The following RABGAP1L variants were observed in gnomAD, a reference collection of about 807,000 sequenced individuals.
RABGAP1L encodes rab GTPase-activating protein 1-like.
A neutral mutation model predicts 137.7 loss-of-function variants in RABGAP1L; 63 were observed. That is an observed-to-expected ratio of 0.46 (90% CI 0.37 to 0.56). The LOEUF is 0.56. Among genes scored for constraint, RABGAP1L ranks in the 20% least tolerant of loss-of-function variants. RABGAP1L has a pLI of 0.00. For missense variants in RABGAP1L, 1,095 were observed against 1,244.0 expected, an observed-to-expected ratio of 0.88 and a Z score of 1.80; for synonymous variants, 431 against 433.7, an observed-to-expected ratio of 0.99 and a Z score of 0.08.
intron 19 of RABGAP1L, among the ~76,000 whole-genome samples, chr1:174,904,388 T>C (rs1364171294): frequency 6.6e-6 from 1 of 152,044 alleles, no homozygotes; most frequent in Non-Finnish European, 1.5e-5. Context: ...AAAAGAGAGA[T>C]TGAGACCATC....
At chr1:174,828,591 A>G (rs1202509607) in intron 19 of RABGAP1L, among the ~76,000 whole-genome samples, 1 of 148,624 alleles carries the variant, frequency 6.7e-6, no homozygotes, top group Non-Finnish European at 1.5e-5. Flanking sequence ...TCCTTCGAGT[A>G]TGAGTTTCCT....
At chr1:174,525,237 G>A (rs1663772974) in intron 13 of RABGAP1L, among the ~76,000 whole-genome samples, 2 of 151,922 alleles carry the variant, frequency 1.3e-5, no homozygotes, top group African/African-American at 4.8e-5. Context: ...TGGGCAGTAT[G>A]GTCATTTTAA....
At chr1:174,665,076 G>C (rs567798084) in intron 14 of RABGAP1L, among the ~76,000 whole-genome samples, 2 of 152,082 alleles carry the variant, frequency 1.3e-5, no homozygotes, top group Admixed American at 1.3e-4. Flanking sequence ...TCATTTTTCT[G>C]ATTGGTTTAT....
At chr1:174,258,986 G>A (rs1204947287) in intron 7 of RABGAP1L, among the ~76,000 whole-genome samples, 5 of 151,542 alleles carry the variant, frequency 3.3e-5, no homozygotes, top group Admixed American at 1.3e-4. Context: ...ACGGGGTCTC[G>A]CTTAGTTGTC....
At chr1:174,564,930 C>CA (rs2148029596) in intron 13 of RABGAP1L, among the ~76,000 whole-genome samples, 1 of 150,030 alleles carries the variant, frequency 6.7e-6, no homozygotes, top group African/African-American at 2.5e-5. Flanking sequence ...CCCCCCTGCC[C>CA]GAAAAAAGTT....
rs544436891 is a variant in RABGAP1L, at chr1:174,230,406, G to T, written c.332-739G>T. Among the ~76,000 whole-genome samples, 5 of 151,958 alleles carry T rather than the reference G, an allele frequency of 3.3e-5. No homozygotes were observed. In the South Asian group the frequency reaches 1.0e-3, roughly 32 times the overall value. On this transcript the variant is annotated intron_variant, in intron 3 of 25. Coordinates refer to ENST00000681986, the MANE Select transcript of RABGAP1L (RefSeq NM_001366446.1). ...AAAACTTAAAGTATAGTAAAAAAAA[G>T]AATAAAAAAAAAGGAAGTCAATTAT...
Position 174,301,294 on chromosome 1 carries a change from G to A in RABGAP1L, c.1324-3692G>A, listed in dbSNP as rs116736199. Among the ~76,000 whole-genome samples, 609 of 151,386 alleles carry A rather than the reference G, an allele frequency of 4.0e-3. 6 individuals carry two copies. Among genetic ancestry groups the A allele is most frequent in the African/African-American group, 0.012 (493 of 41,348 alleles). Reference sequence around the variant, plus strand: ...ACCCAGGCAGGGGTGCTGTGACTCCGAAGCCCCTGAGGGGGTGTTACAGCA... The same window carrying A: ...ACCCAGGCAGGGGTGCTGTGACTCCAAAGCCCCTGAGGGGGTGTTACAGCA... On this transcript the variant is annotated intron_variant, in intron 10 of 25. Transcript: ENST00000681986.
At chr1:174,651,745 C>T (rs534211316) in intron 14 of RABGAP1L, among the ~76,000 whole-genome samples, 2 of 152,106 alleles carry the variant, frequency 1.3e-5, no homozygotes, top group Admixed American at 6.6e-5. Flanking sequence ...AGGTGAGATG[C>T]GTTTCTTGAA....
intron 19 of RABGAP1L, among the ~76,000 whole-genome samples, chr1:174,884,325 A>C (rs1308068895): frequency 6.6e-6 from 1 of 152,236 alleles, no homozygotes; most frequent in South Asian, 2.1e-4. Context: ...TTCATCAAGC[A>C]TGCCAAATTA....
chr1:174,359,142 C>T (rs1285842580), intron 11 of RABGAP1L, among the ~76,000 whole-genome samples: 2 of 151,158 alleles, frequency 1.3e-5, no homozygotes, highest in African/African-American at 2.4e-5. Context: ...TACCCCTTTA[C>T]GTATCTGCAC....
chr1:174,720,286 TAGATAGAC>T (rs1164867419), intron 17 of RABGAP1L, among the ~76,000 whole-genome samples: 7 of 134,172 alleles, frequency 5.2e-5, no homozygotes, highest in African/African-American at 7.5e-5. Context: ...GATAGATAGA[TAGATAGAC>T]AGACAGATAG....
chr1:174,726,373 C>T (rs1390072244), intron 17 of RABGAP1L, among the ~76,000 whole-genome samples: 2 of 152,160 alleles, frequency 1.3e-5, no homozygotes, highest in Middle Eastern at 3.4e-3. Context: ...TCCCAAGTGA[C>T]TCACTGGGAT....
chr1:174,846,037 A>G (rs1694011572), intron 19 of RABGAP1L, among the ~76,000 whole-genome samples: 2 of 149,294 alleles, frequency 1.3e-5, no homozygotes, highest in Admixed American at 6.7e-5. Context: ...GTATTCTCTG[A>G]TGGTAGTTTG....
At chr1:174,183,153 A>G (rs1381528266) in intron 1 of RABGAP1L, among the ~76,000 whole-genome samples, 2 of 152,240 alleles carry the variant, frequency 1.3e-5, no homozygotes, top group African/African-American at 2.4e-5. Context: ...TGTACTTCAC[A>G]TAAAGATGAG....
intron 13 of RABGAP1L, among the ~76,000 whole-genome samples, chr1:174,442,090 A>G (rs997158044): frequency 6.6e-6 from 1 of 152,062 alleles, no homozygotes; most frequent in Non-Finnish European, 1.5e-5. Flanking sequence ...TTATGATTCA[A>G]AACTGCTTCA....
At chr1:174,959,100 TA>T (rs2149345827) in intron 20 of RABGAP1L, among the ~76,000 whole-genome samples, 1 of 152,336 alleles carries the variant, frequency 6.6e-6, no homozygotes, top group African/African-American at 2.4e-5. Flanking sequence ...CCCTTGCTTA[TA>T]GAAGTGGTTC....
In RABGAP1L at chr1:174,383,165, G is replaced by T. The variant is rs531091065; in HGVS notation, c.1560-10830G>T. 8.7e-3 allele frequency among the ~76,000 whole-genome samples: 1,310 copies of T among 150,722 alleles called. 10 individuals are homozygous for T. Among genetic ancestry groups the T allele is most frequent in the African/African-American group, 0.03 (1,233 of 40,708 alleles). ...TGCCCGTTCTCAGATCTCCAGCTGC[G>T]TGCTGGGAGAACCACTGCTCTCTTC... On this transcript the variant is annotated intron_variant, in intron 12 of 25. Coordinates refer to ENST00000681986, the MANE Select transcript of RABGAP1L (RefSeq NM_001366446.1).
intron 11 of RABGAP1L, among the ~76,000 whole-genome samples, chr1:174,334,818 A>G (rs998546592): frequency 1.3e-5 from 2 of 152,256 alleles, no homozygotes; most frequent in African/African-American, 4.8e-5. Flanking sequence ...AGTAATGTCA[A>G]TGAATGTTTT....
At chr1:174,229,837 G>A (rs1429606052) in intron 3 of RABGAP1L, among the ~76,000 whole-genome samples, 3 of 152,068 alleles carry the variant, frequency 2.0e-5, no homozygotes, top group Non-Finnish European at 4.4e-5. Context: ...CTGAGGAATC[G>A]CCACACTGAC....
Sources: allele counts gnomAD v4.1 joint callset (sites outside exome capture counted in the v4.1 genomes callset), GRCh38; gene constraint gnomAD v4.1.1; transcripts MANE v1.5; gene names NCBI Gene and HGNC (gene_info 2026-07-23, HGNC 2026-07-21).